NRIP1: variants seen among roughly 807,000 people sequenced by gnomAD.
NRIP1 encodes the protein nuclear receptor-interacting protein 1.
Under a neutral mutation model 75.0 loss-of-function variants are expected in NRIP1, and 28 were observed. The ratio of observed to expected loss-of-function variants is 0.37; its 90% confidence interval spans 0.28 to 0.51. The LOEUF (loss-of-function observed/expected upper bound fraction) is 0.51. Ranked by LOEUF, NRIP1 falls within the 20% of genes least tolerant of loss-of-function variation. NRIP1 has a pLI of 0.92. For missense variants in NRIP1, 1,435 were observed against 1,343.7 expected (o/e 1.07, Z -1.06); for synonymous variants, 526 against 487.6 (o/e 1.08, Z -1.04).
At chr21:15,028,972 T>C (rs533563136) in intron 2 of NRIP1, among the ~76,000 whole-genome samples, 2 of 152,170 alleles carry the variant, frequency 1.3e-5, no homozygotes, top group Non-Finnish European at 2.9e-5. Context: ...ATTCTTCCAA[T>C]TGTTCAGGCT....
chr21:14,984,548 A>G (rs889394840), intron 3 of NRIP1, among the ~76,000 whole-genome samples: 2 of 152,170 alleles, frequency 1.3e-5, no homozygotes, highest in African/African-American at 4.8e-5. Context: ...AACACTGTTG[A>G]AAAAACAACA....
At chr21:15,021,867 G>T (rs139009261) in intron 2 of NRIP1, among the ~76,000 whole-genome samples, 6 of 152,152 alleles carry the variant, frequency 3.9e-5, no homozygotes, top group African/African-American at 1.4e-4. Flanking sequence ...TGTCAGAATG[G>T]TGATTATTAA....
chr21:15,023,774 CT>C (rs1395493338), intron 2 of NRIP1, among the ~76,000 whole-genome samples: 1 of 152,142 alleles, frequency 6.6e-6, no homozygotes, highest in Non-Finnish European at 1.5e-5. Flanking sequence ...TAGTAGGAAA[CT>C]TGCCTTGCCA....
chr21:14,975,643 A>T (rs2087038983), intron 3 of NRIP1, among the ~76,000 whole-genome samples: 1 of 139,050 alleles, frequency 7.2e-6, no homozygotes, highest in South Asian at 2.2e-4. Context: ...AAAAAAAAAA[A>T]AGGAAGGAAG....
intron 1 of NRIP1, chr21:15,052,343 C>T (rs2089218663): frequency 6.6e-6 from 1 of 152,166 alleles, no homozygotes; most frequent in Admixed American, 6.5e-5. Context: ...CCTTCGCCAT[C>T]CTCTAGAATA....
intron 1 of NRIP1, among the ~76,000 whole-genome samples, chr21:15,059,010 C>T (rs1460854170): frequency 6.6e-6 from 1 of 152,190 alleles, no homozygotes; most frequent in Non-Finnish European, 1.5e-5. Context: ...TAGCAAATTA[C>T]AGGCCTGAAA....
At chr21:14,976,645 G>A (rs2087078819) in intron 3 of NRIP1, among the ~76,000 whole-genome samples, 1 of 152,034 alleles carries the variant, frequency 6.6e-6, no homozygotes, top group Non-Finnish European at 1.5e-5. Flanking sequence ...TTAAACAAAG[G>A]GAAACTTTGT....
chr21:15,015,617 C>G (rs2088207639), intron 2 of NRIP1, among the ~76,000 whole-genome samples: 1 of 151,752 alleles, frequency 6.6e-6, no homozygotes, highest in African/African-American at 2.4e-5. Context: ...GTTAAATAAA[C>G]TACAGTATAT....
rs745546437 is a variant in NRIP1, at chr21:14,961,829, A to G, written c.*2887T>C. On this transcript the variant is annotated 3_prime_UTR_variant, in exon 4 of 4. Transcript: ENST00000318948. Reference sequence around the variant, plus strand: ...GTATACATACATGCACAACTTTTAAACCTGTCTGATTATATTTACACTTAT... The same window carrying G: ...GTATACATACATGCACAACTTTTAAGCCTGTCTGATTATATTTACACTTAT... 1.3e-5 allele frequency: 2 copies of G among 152,168 alleles called. No individual in the cohort carries two copies. The highest frequency in any genetic ancestry group is 2.4e-5 in the African/African-American group (1 of 41,380). 9.4% of individuals were successfully genotyped at this position (152,168 alleles called of 1,614,324 possible). A position where few individuals can be genotyped will look rare whatever the true frequency, so the allele number is the denominator to read the frequency against.
intron 2 of NRIP1, among the ~76,000 whole-genome samples, chr21:15,025,445 T>C (rs1367194373): frequency 2.0e-5 from 3 of 152,066 alleles, no homozygotes; most frequent in South Asian, 2.1e-4. Context: ...TAAGTTACAA[T>C]AGTAACGGAT....
At position 14,963,035 on chromosome 21, in the gene NRIP1, C is replaced by T. The variant is rs1220161060; in HGVS notation, c.*1681G>A. On this transcript the variant is annotated 3_prime_UTR_variant, in exon 4 of 4. Coordinates refer to ENST00000318948, the MANE Select transcript of NRIP1 (RefSeq NM_003489.4). ...ACAGACCTGTTTCGCAACTGAAACCCCATGTGGCTTCACTAATATATTAAT... is the reference window on the plus strand; with the variant it reads ...ACAGACCTGTTTCGCAACTGAAACCTCATGTGGCTTCACTAATATATTAAT... 2 of 152,144 alleles carry T rather than the reference C, an allele frequency of 1.3e-5. No individual in the cohort carries two copies. The highest frequency in any genetic ancestry group is 2.1e-4 in the South Asian group (1 of 4,822). 9.4% of individuals were successfully genotyped at this position (152,144 alleles called of 1,614,324 possible). A position where few individuals can be genotyped will look rare whatever the true frequency, so the allele number is the denominator to read the frequency against.
chr21:15,000,645 A>C (rs2087828894), intron 3 of NRIP1, among the ~76,000 whole-genome samples: 1 of 152,180 alleles, frequency 6.6e-6, no homozygotes, highest in Non-Finnish European at 1.5e-5. Flanking sequence ...AAAAACTGTA[A>C]GTAAAAAGAG....
At chr21:15,005,819 A>G (rs2087957806) in intron 3 of NRIP1, among the ~76,000 whole-genome samples, 1 of 152,172 alleles carries the variant, frequency 6.6e-6, no homozygotes, top group Admixed American at 6.5e-5. Context: ...GACAATCACA[A>G]AGAATGGGGC....
chr21:14,976,272 T>C (rs2087065561), intron 3 of NRIP1, among the ~76,000 whole-genome samples: 1 of 152,144 alleles, frequency 6.6e-6, no homozygotes, highest in Admixed American at 6.5e-5. Flanking sequence ...TGAAAAAGAA[T>C]TATTTTAGAA....
At chr21:15,040,007 G>A (rs2088918703) in intron 2 of NRIP1, among the ~76,000 whole-genome samples, 1 of 151,918 alleles carries the variant, frequency 6.6e-6, no homozygotes, top group African/African-American at 2.4e-5. Context: ...GATTTTTAAG[G>A]GTAATTTTAA....
At chr21:14,975,644 AGG>A (rs202040683) in intron 3 of NRIP1, among the ~76,000 whole-genome samples, 18 of 123,844 alleles carry the variant, frequency 1.5e-4, no homozygotes, top group African/African-American at 5.3e-4. Context: ...AAAAAAAAAA[AGG>A]AAGGAAGGAA....
rs561500296 is a variant in NRIP1, at chr21:14,974,398, C to G, written c.-334-5872G>C. 4 of 152,256 alleles carry G rather than the reference C, an allele frequency of 2.6e-5. No individual in the cohort carries two copies. The South Asian group carries it at 8.3e-4, about 32-fold the overall frequency. The allele number at this position is 152,256 out of a possible 1,614,324, so 9.4% of individuals were successfully genotyped here. ...GTGTTACTTTTGATAATTTTAATAG[C>G]TCATAATGATGTTGAAAAGATGACA... On this transcript the variant is annotated intron_variant, in intron 3 of 3. Transcript: ENST00000318948.
chr21:15,030,323 A>T (rs1250390124), intron 2 of NRIP1, among the ~76,000 whole-genome samples: 1 of 152,196 alleles, frequency 6.6e-6, no homozygotes, highest in East Asian at 1.9e-4. Context: ...GCCTTCTATT[A>T]CTTATATTTT....
chr21:15,065,366 C>G (rs542993491), upstream of NRIP1, among the ~76,000 whole-genome samples: 1 of 152,110 alleles, frequency 6.6e-6, no homozygotes, highest in South Asian at 2.1e-4. Context: ...TCTGTCCAGC[C>G]GCCCGCGACC....
Sources: gnomAD v4.1 joint callset for allele counts (sites outside exome capture counted in the v4.1 genomes callset) on GRCh38, gnomAD v4.1.1 for gene constraint, MANE v1.5 for transcripts, NCBI Gene and HGNC (gene_info 2026-07-23, HGNC 2026-07-21) for gene names.